The following ZBTB48 variants were observed in gnomAD, a reference collection of about 807,000 sequenced individuals.
The protein encoded by ZBTB48 is zinc finger and BTB domain-containing protein 48.
In ZBTB48, 35 loss-of-function variants were observed where a neutral mutation model predicts 64.5. That is an observed-to-expected ratio of 0.54 (90% CI 0.41 to 0.72). The LOEUF is 0.72. ZBTB48 is among the 30% of genes least tolerant of loss of function. The pLI is 0.00. For synonymous variants in ZBTB48, 442 were observed against 356.7 expected (o/e 1.24, Z -2.70); for missense variants, 828 against 895.3 (o/e 0.92, Z 0.96).
chr1:6,587,533 C>T lies in ZBTB48; in HGVS notation c.1280C>T (p.Ala427Val). ...CGGACAGAGCTGCAGCTGCATGAAG[C>T]TTTCAAGCACCGTGGTGAGAAGCTG... The part of the protein sequence containing the change: ...LSRTELQLHE[A>V]FKHRGEKLFV... Residue 427 changes from alanine (A) to valine (V), a missense_variant, in exon 7 of 11, where the codon GCT becomes GTT. Physicochemically the swap from Ala to Val is moderately conservative, Grantham distance 64. Transcript: ENST00000377674. 1 of 1,614,098 alleles carries T rather than the reference C, an allele frequency of 6.2e-7. No individual in the cohort carries two copies. The highest frequency in any genetic ancestry group is 2.2e-5 in the East Asian group (1 of 44,884).
chr1:6,586,275 C>T, intron 4 of ZBTB48: 1 of 547,386 alleles, frequency 1.8e-6, no homozygotes, highest in Non-Finnish European at 3.2e-6. Context: ...TCCTAGGCCC[C>T]TGGCCCACCT....
intron 4 of ZBTB48, 146 bp from the exon 5 acceptor site, chr1:6,586,549 G>A: frequency 7.1e-7 from 1 of 1,416,650 alleles, no homozygotes; most frequent in South Asian, 1.5e-5. Context: ...AGGCCAGGCA[G>A]GTTATGTGTT....
rs543096790 is a variant in ZBTB48, at chr1:6,583,324, C to T, written c.932+1025C>T. On this transcript the variant is annotated intron_variant, in intron 3 of 10. Coordinates refer to ENST00000377674, the MANE Select transcript of ZBTB48 (RefSeq NM_005341.4). ...TTCATTTTATTTTATTTTTTTGAGA[C>T]GGAGTCTCACTCTGTTGCCAGGCTG... Among the ~76,000 whole-genome samples, 9 of 150,952 alleles carry T rather than the reference C, an allele frequency of 6.0e-5. No homozygotes were observed. In the East Asian group the frequency reaches 7.8e-4, roughly 13 times the overall value.
At chr1:6,583,851 C>T (rs572240493) in intron 3 of ZBTB48, among the ~76,000 whole-genome samples, 20 of 148,352 alleles carry the variant, frequency 1.3e-4, no homozygotes, top group African/African-American at 4.8e-4. Context: ...TCCGTCTAAG[C>T]TCACTACAAC....
Position 6,587,603 on chromosome 1 carries a change from C to G in ZBTB48, c.1350C>G (p.Gly450=). Residue 450 remains glycine, a synonymous_variant, in exon 7 of 11, where the codon GGC becomes GGG. Coordinates refer to ENST00000377674, the MANE Select transcript of ZBTB48 (RefSeq NM_005341.4). ...ECGHRASSRN[G]LQMHIKAKHR... is the part of the protein sequence containing the mutation. ...GGCACCGGGCCTCGAGCCGGAATGG[C>G]CTGCAGATGCACATCAAGGCCAAGC... 1 of 1,613,528 alleles carries G rather than the reference C, an allele frequency of 6.2e-7. No individual in the cohort carries two copies. The highest frequency in any genetic ancestry group is 8.5e-7 in the Non-Finnish European group (1 of 1,180,032).
rs1640596267 is a variant in ZBTB48, at chr1:6,584,654, TG to T, written c.933-1264del. Among the ~76,000 whole-genome samples the T allele has an allele frequency of 3.3e-5, 5 of 152,342 alleles. 1 individual carries two copies. In the South Asian group the frequency reaches 1.0e-3, roughly 32 times the overall value. ...GGCAGCCTGTGTACTGCTGGATGCT[TG>T]CTTTCAAGTACTCTGCTGGGGTAAG... On this transcript the variant is annotated intron_variant, in intron 3 of 10. Coordinates refer to ENST00000377674, the MANE Select transcript of ZBTB48 (RefSeq NM_005341.4). The surrounding 1 kb of genome is among the most constrained non-coding windows in gnomAD (Gnocchi z 4.5).
chr1:6,583,691 C>A (rs1264594282), intron 3 of ZBTB48, among the ~76,000 whole-genome samples: 1 of 151,508 alleles, frequency 6.6e-6, no homozygotes, highest in Non-Finnish European at 1.5e-5. Context: ...ACTTCTGTCT[C>A]CCAGGTTTAA....
chr1:6,586,092 C>G, intron 4 of ZBTB48, 62 bp downstream of exon 4: 1 of 1,549,488 alleles, frequency 6.5e-7, no homozygotes, highest in Non-Finnish European at 8.9e-7. Context: ...GTCTTCGTGC[C>G]ATCCGGGAAG....
rs146271760 is a variant in ZBTB48, at chr1:6,582,347, G to A, written c.932+48G>A. ...TTCTTTTCCTGTCTGCCATTCCCAC[G>A]TTGGGGGAGGGGTCCTGCACTTCCC... On this transcript the variant is annotated intron_variant, in intron 3 of 10. Coordinates refer to ENST00000377674, the MANE Select transcript of ZBTB48 (RefSeq NM_005341.4). The A allele has an allele frequency of 1.1e-5, 17 of 1,587,650 alleles. No homozygotes were observed. In the African/African-American group the frequency reaches 1.3e-4, roughly 13 times the overall value.
chr1:6,587,781 A>G (rs772021873), intron 7 of ZBTB48, 149 bp downstream of exon 7: 15 of 1,369,370 alleles, frequency 1.1e-5, no homozygotes, highest in Non-Finnish European at 1.5e-5. Flanking sequence ...TCTCTGGGAT[A>G]GTGGGACCTG....
rs1292696744 is a variant in ZBTB48, at chr1:6,580,401, A to G, written c.-69-140A>G. The G allele has an allele frequency of 3.0e-5, 18 of 605,500 alleles. No individual in the cohort carries two copies. The highest frequency in any genetic ancestry group is 3.5e-5 in the Non-Finnish European group (12 of 346,432). 37.5% of individuals were successfully genotyped at this position (605,500 alleles called of 1,614,324 possible). ...TCCAGCATCCCCCCTGGCCAATCCA[A>G]TATGGCCCCCGGCCCCCGGGAGGCT... On this transcript the variant is annotated intron_variant, in intron 1 of 10. Coordinates refer to ENST00000377674, the MANE Select transcript of ZBTB48 (RefSeq NM_005341.4). This position sits in a 1 kb window ranked among gnomAD's most constrained non-coding sequence, Gnocchi z 5.2.
In ZBTB48 at chr1:6,581,268, A is replaced by C; in HGVS notation, c.659A>C (p.Glu220Ala). The change falls in exon 2 of 11, where the codon GAA becomes GCA. Residue 220 changes from glutamate (E) to alanine (A), a missense_variant. By Grantham distance (107) the Glu-to-Ala change is moderately radical (BLOSUM62 -1). Coordinates refer to ENST00000377674, the MANE Select transcript of ZBTB48 (RefSeq NM_005341.4). ...CKVPPRPLEA[E>A]GAQLQGGSNE... ...GTGCCCCCAAGGCCCTTAGAGGCTG[A>C]AGGTGCCCAGCTGCAGGGCGGCAGT... 1 of 1,608,504 alleles carries C rather than the reference A, an allele frequency of 6.2e-7. No homozygotes were observed.
At chr1:6,587,716 T>C in intron 7 of ZBTB48, 84 bp downstream of exon 7, 1 of 1,564,408 alleles carries the variant, frequency 6.4e-7, no homozygotes, top group Non-Finnish European at 8.6e-7. Flanking sequence ...GTTTGCTGAC[T>C]TTTACACAGA....
intron 4 of ZBTB48, chr1:6,586,378 G>C (rs528291562): frequency 4.0e-6 from 2 of 502,432 alleles, no homozygotes; most frequent in East Asian, 3.4e-5. Flanking sequence ...GCTGGCTTCT[G>C]TGTCAGGGCC....
rs373721854 is a variant in ZBTB48 at position 6,588,745 on chromosome 1, C to T, written c.1682-11C>T. 39 of 1,613,862 alleles carry T rather than the reference C, an allele frequency of 2.4e-5. No individual in the cohort carries two copies. The highest frequency in any genetic ancestry group is 5.3e-5 in the African/African-American group (4 of 74,950). ...CCTGCATGATCCCCCACGGTGTTCTCCCTCTTGCAGCCGTGGAGCAACTGC... is the reference window on the plus strand; with the variant it reads ...CCTGCATGATCCCCCACGGTGTTCTTCCTCTTGCAGCCGTGGAGCAACTGC... On this transcript the variant is annotated splice_polypyrimidine_tract_variant and intron_variant, in intron 9 of 10. Transcript: ENST00000377674.
At position 6,585,894 on chromosome 1, in the gene ZBTB48, C is replaced by G. The variant is rs770491511; in HGVS notation, c.933-25C>G. ...GAGATGGGAAACCCTCTCAGCCCCC[C>G]CACCCCTGTGGCTTCTCCTGGCAGG... On this transcript the variant is annotated intron_variant, in intron 3 of 10. Coordinates refer to ENST00000377674, the MANE Select transcript of ZBTB48 (RefSeq NM_005341.4). The G allele has an allele frequency of 2.5e-6, 4 of 1,610,100 alleles. No homozygotes were observed. In the East Asian group the frequency reaches 8.9e-5, roughly 36 times the overall value.
chr1:6,588,287 A>G lies in ZBTB48; in HGVS notation c.1526A>G (p.Asp509Gly). The change falls in exon 9 of 11, where the codon GAC becomes GGC. Residue 509 changes from aspartate (D) to glycine (G), a missense_variant. By Grantham distance (94) the Asp-to-Gly change is moderately conservative. Transcript: ENST00000377674. ...GKTFRTQASLDKHNRTHTGER... is the reference protein window; with the variant it reads ...GKTFRTQASLGKHNRTHTGER... ...TGCCTTGTGCCTGCAGCCAGCCTGG[A>G]CAAGCACAACCGCACCCACACCGGG... 6.2e-7 allele frequency: 1 copy of G among 1,608,376 alleles called. No individual in the cohort carries two copies. Among genetic ancestry groups the G allele is most frequent in the Non-Finnish European group, 8.5e-7 (1 of 1,175,700 alleles).
In ZBTB48 at chr1:6,586,289, C is replaced by G. The variant is rs1640663583; in HGVS notation, c.1044+259C>G. The G allele has an allele frequency of 1.1e-5, 6 of 530,786 alleles. No individual in the cohort carries two copies. The South Asian group carries it at 1.6e-4, about 14-fold the overall frequency. 32.9% of individuals were successfully genotyped at this position (530,786 alleles called of 1,614,324 possible). A position where few individuals can be genotyped will look rare whatever the true frequency, so the allele number is the denominator to read the frequency against. On this transcript the variant is annotated intron_variant, in intron 4 of 10. Transcript: ENST00000377674. ...TTCCTAGGCCCCTGGCCCACCTCCA[C>G]CTTGGCTTTGGAGAAGGGGAGCCGC...
At chr1:6,582,382 T>G (rs1378406532) in intron 3 of ZBTB48, 83 bp downstream of exon 3, 1 of 1,537,930 alleles carries the variant, frequency 6.5e-7, no homozygotes. Flanking sequence ...CACTTCTGGG[T>G]GAGGTAGGGG....
Sources: allele counts gnomAD v4.1 joint callset (sites outside exome capture counted in the v4.1 genomes callset), GRCh38; gene constraint gnomAD v4.1.1; non-coding constraint Gnocchi (gnomAD v3.1); transcripts MANE v1.5; gene names NCBI Gene and HGNC (gene_info 2026-07-23, HGNC 2026-07-21).